CEP44: variants seen among roughly 807,000 people sequenced by gnomAD.
CEP44 encodes the protein centrosomal protein of 44 kDa.
A neutral mutation model predicts 46.7 loss-of-function variants in CEP44; 45 were observed. That is an observed-to-expected ratio of 0.96 (90% confidence interval 0.76 to 1.24). CEP44 has a LOEUF of 1.24. Among genes scored for constraint, CEP44 ranks in the 50% most tolerant of loss-of-function variants. CEP44 has a pLI of 0.00. For synonymous variants in CEP44, 142 were observed against 146.0 expected (o/e 0.97, Z 0.20); for missense variants, 475 against 459.7 (o/e 1.03, Z -0.30).
At chr4:174,328,559 A>G (rs1434500899) in intron 8 of CEP44, among the ~76,000 whole-genome samples, 3 of 152,234 alleles carry the variant, frequency 2.0e-5, no homozygotes, top group Non-Finnish European at 2.9e-5. Flanking sequence ...AGGAAGCTTC[A>G]GTCAAAGCCA....
At chr4:174,296,257 A>G (rs1308328195) in intron 1 of CEP44, among the ~76,000 whole-genome samples, 6 of 152,174 alleles carry the variant, frequency 3.9e-5, no homozygotes, top group Admixed American at 2.0e-4. Flanking sequence ...ACAGTGATAT[A>G]TCTTGGTGTG....
rs1284193343 is a variant in CEP44 at position 174,325,439 on chromosome 4, A to G, written c.1087-6043A>G. 1.3e-5 allele frequency among the ~76,000 whole-genome samples: 2 copies of G among 152,124 alleles called. No individual in the cohort carries two copies. Among genetic ancestry groups the G allele is most frequent in the Non-Finnish European group, 2.9e-5 (2 of 68,026 alleles). Reference sequence around the variant, plus strand: ...GAGGCTGAGGTAGGAGAATCATTTGAGGCCAGAAGTTCAAGACCAGCCTGG... The same window carrying G: ...GAGGCTGAGGTAGGAGAATCATTTGGGGCCAGAAGTTCAAGACCAGCCTGG... On this transcript the variant is annotated intron_variant, in intron 8 of 8. Transcript: ENST00000426172. The surrounding 1 kb of genome is among the most constrained non-coding windows in gnomAD (Gnocchi z 4.4).
chr4:174,327,746 G>T (rs897942639), intron 8 of CEP44, among the ~76,000 whole-genome samples: 5 of 151,954 alleles, frequency 3.3e-5, no homozygotes, highest in African/African-American at 9.7e-5. Flanking sequence ...TTATATGGAC[G>T]GGGTGTGTGT....
At chr4:174,298,868 G>T (rs1007377815) in intron 2 of CEP44, among the ~76,000 whole-genome samples, 1 of 152,164 alleles carries the variant, frequency 6.6e-6, no homozygotes, top group Non-Finnish European at 1.5e-5. Flanking sequence ...AGGAAAACAT[G>T]TAGGAGGGTA....
At position 174,287,168 on chromosome 4, in the gene CEP44, C is replaced by G. The variant is rs924875752; in HGVS notation, c.-148+3225C>G. ...ATTTCTAGGCCATTGGGATATAGGT[C>G]GTTATGGGACCCCAGGTAGTAACCC... On this transcript the variant is annotated intron_variant, in intron 1 of 11. Transcript: ENST00000503780. This position sits in a 1 kb window ranked among gnomAD's most constrained non-coding sequence, Gnocchi z 5.1. Among the ~76,000 whole-genome samples the G allele has an allele frequency of 6.6e-6, 1 of 151,976 alleles. No individual in the cohort carries two copies. Among genetic ancestry groups the G allele is most frequent in the African/African-American group, 2.4e-5 (1 of 41,376 alleles).
downstream of CEP44, among the ~76,000 whole-genome samples, chr4:174,323,683 G>A (rs1742467248): frequency 1.3e-5 from 2 of 152,136 alleles, no homozygotes; most frequent in South Asian, 4.1e-4. Context: ...TTGCTGATCT[G>A]TGCGAGTGCA....
intron 9 of CEP44, among the ~76,000 whole-genome samples, chr4:174,315,204 T>C (rs1206174245): frequency 1.3e-5 from 2 of 152,022 alleles, no homozygotes; most frequent in Admixed American, 6.6e-5. Context: ...AAGCTCTCTT[T>C]ATGTGAACCA....
chr4:174,301,541 T>C lies in CEP44; in HGVS notation c.90-498T>C, dbSNP rs572471296. On this transcript the variant is annotated intron_variant, in intron 3 of 11. Transcript: ENST00000503780. The surrounding 1 kb of genome is among the most constrained non-coding windows in gnomAD (Gnocchi z 4.3). ...TATACGATTTAGAAGGAGCAGTAAG[T>C]GAAAAGTAATAGACTGGTCAACCAA... is the stretch of plus-strand genomic sequence containing the variant. Among the ~76,000 whole-genome samples the C allele has an allele frequency of 4.6e-5, 7 of 152,284 alleles. No homozygotes were observed. Among genetic ancestry groups the C allele is most frequent in the Non-Finnish European group, 5.9e-5 (4 of 67,996 alleles).
chr4:174,306,648 T>C (rs1391487497), intron 6 of CEP44, among the ~76,000 whole-genome samples: 1 of 152,100 alleles, frequency 6.6e-6, no homozygotes, highest in African/African-American at 2.4e-5. Context: ...ATTTAAACTT[T>C]TTTTAATTTT....
Position 174,331,007 on chromosome 4 carries a change from A to C in CEP44, c.1087-475A>C, listed in dbSNP as rs1417232526. Among the ~76,000 whole-genome samples, 1 of 152,180 alleles carries C rather than the reference A, an allele frequency of 6.6e-6. No homozygotes were observed. Among genetic ancestry groups the C allele is most frequent in the Non-Finnish European group, 1.5e-5 (1 of 68,016 alleles). On this transcript the variant is annotated intron_variant, in intron 8 of 8. Coordinates refer to the CEP44 transcript ENST00000426172. This position sits in a 1 kb window ranked among gnomAD's most constrained non-coding sequence, Gnocchi z 4.5. Reference sequence around the variant, plus strand: ...TGATGATATGTATTATTATTTTAGGATGTGCTTTCAGGATATGCAGTGGTT... The same window carrying C: ...TGATGATATGTATTATTATTTTAGGCTGTGCTTTCAGGATATGCAGTGGTT...
chr4:174,328,354 G>C (rs1202869899), intron 8 of CEP44, among the ~76,000 whole-genome samples: 1 of 152,236 alleles, frequency 6.6e-6, no homozygotes, highest in Non-Finnish European at 1.5e-5. Flanking sequence ...CAGTAGTCCA[G>C]AAGATAACTC....
Position 174,310,128 on chromosome 4 carries a change from AT to A in CEP44, c.885+79del. The A allele has an allele frequency of 2.9e-6, 4 of 1,364,572 alleles. No homozygotes were observed. Among genetic ancestry groups the A allele is most frequent in the Admixed American group, 2.4e-5 (1 of 41,862 alleles). The allele number at this position is 1,364,572 out of a possible 1,614,324, so 84.5% of individuals were successfully genotyped here. A position where few individuals can be genotyped will look rare whatever the true frequency, so the allele number is the denominator to read the frequency against. On this transcript the variant is annotated intron_variant, in intron 8 of 11. Coordinates refer to ENST00000503780, the MANE Select transcript of CEP44 (RefSeq NM_001040157.3). This position sits in a 1 kb window ranked among gnomAD's most constrained non-coding sequence, Gnocchi z 4.2. Reference sequence around the variant, plus strand: ...GTTTTTTTTTGATTGTTATATGTGTATTTTTTTGGAAATGCTAAATATGAGA... The same window carrying A: ...GTTTTTTTTTGATTGTTATATGTGTATTTTTTGGAAATGCTAAATATGAGA...
chr4:174,317,222 TAAG>T (rs904555358), intron 11 of CEP44, 110 bp from the exon 12 acceptor site: 2 of 423,802 alleles, frequency 4.7e-6, no homozygotes, highest in Non-Finnish European at 8.1e-6. Flanking sequence ...TACTTATAGA[TAAG>T]AAAAATATTC....
rs1465752903 is a variant in CEP44 at position 174,304,935 on chromosome 4, G to A, written c.507+566G>A. On this transcript the variant is annotated intron_variant, in intron 6 of 11. Coordinates refer to ENST00000503780, the MANE Select transcript of CEP44 (RefSeq NM_001040157.3). ...AATCTAATGCACTTAGAGCTACAGT[G>A]TTTCTATCACTAAGGGAGACTTAAG... Among the ~76,000 whole-genome samples the A allele has an allele frequency of 2.6e-5, 4 of 152,148 alleles. No individual in the cohort carries two copies. The East Asian group carries it at 7.7e-4, about 29-fold the overall frequency.
exon 9 of CEP44, chr4:174,332,491 T>G (rs932406858): frequency 2.0e-5 from 3 of 152,226 alleles, no homozygotes; most frequent in African/African-American, 7.2e-5. Flanking sequence ...TCATTGCATT[T>G]ATTGGCTCCT....
intron 1 of CEP44, among the ~76,000 whole-genome samples, chr4:174,295,946 A>T (rs1274555275): frequency 1.3e-5 from 2 of 152,160 alleles, no homozygotes; most frequent in African/African-American, 2.4e-5. Context: ...ACGTCCGTTG[A>T]TAATACATGA....
chr4:174,303,069 C>A (rs146946899), intron 4 of CEP44, among the ~76,000 whole-genome samples: 3 of 151,972 alleles, frequency 2.0e-5, no homozygotes, highest in South Asian at 2.1e-4. Flanking sequence ...CATGAGCCAC[C>A]GCACCCAGCC....
Position 174,318,581 on chromosome 4 carries a change from A to G in CEP44, c.*1198A>G. ...AATCAGAAAATCCTCAAGAAAATTGACTTCATTATTTGGAAGGAAAATTAG... is the reference window on the plus strand; with the variant it reads ...AATCAGAAAATCCTCAAGAAAATTGGCTTCATTATTTGGAAGGAAAATTAG... On this transcript the variant is annotated 3_prime_UTR_variant, in exon 12 of 12. Transcript: ENST00000503780. 1.2e-6 allele frequency: 1 copy of G among 812,312 alleles called. No individual in the cohort carries two copies. The highest frequency in any genetic ancestry group is 1.5e-6 in the Non-Finnish European group (1 of 673,182). 50.3% of individuals were successfully genotyped at this position (812,312 alleles called of 1,614,324 possible).
chr4:174,320,387 G>A, downstream of CEP44: 2 of 896,212 alleles, frequency 2.2e-6, no homozygotes. Context: ...CACTCTTCAG[G>A]AAGCATAAAA....
Sources: allele counts gnomAD v4.1 joint callset (sites outside exome capture counted in the v4.1 genomes callset), GRCh38; gene constraint gnomAD v4.1.1; non-coding constraint Gnocchi (gnomAD v3.1); transcripts MANE v1.5; gene names NCBI Gene and HGNC (gene_info 2026-07-23, HGNC 2026-07-21).